The following FUT8 variants were observed in gnomAD, a reference collection of about 807,000 sequenced individuals.
FUT8 encodes alpha-(1,6)-fucosyltransferase.
A neutral mutation model predicts 71.3 loss-of-function variants in FUT8; 29 were observed. That is an observed-to-expected ratio of 0.41 (90% CI 0.30 to 0.55). FUT8 has a LOEUF of 0.55. Among genes scored for constraint, FUT8 ranks in the 20% least tolerant of loss-of-function variants. The probability of loss-of-function intolerance (pLI) is 0.34; values close to 1 mark genes in which losing one functional copy is unlikely to be tolerated. For missense variants in FUT8, 544 were observed against 702.1 expected (o/e 0.77, Z 2.55); for synonymous variants, 254 against 239.3 (o/e 1.06, Z -0.57).
intron 6 of FUT8, among the ~76,000 whole-genome samples, chr14:65,654,864 A>G (rs1354654427): frequency 6.6e-6 from 1 of 152,058 alleles, no homozygotes; most frequent in Non-Finnish European, 1.5e-5. Flanking sequence ...AGAGAGAAAA[A>G]AAAATACAGG....
intron 5 of FUT8, among the ~76,000 whole-genome samples, chr14:65,619,009 A>G (rs1184498213): frequency 6.6e-6 from 1 of 152,182 alleles, no homozygotes; most frequent in Admixed American, 6.5e-5. Flanking sequence ...TTGCGATGGC[A>G]TGTGAAGTGG....
chr14:65,644,744 A>G (rs898577296), intron 6 of FUT8, among the ~76,000 whole-genome samples: 3 of 152,136 alleles, frequency 2.0e-5, no homozygotes, highest in African/African-American at 7.2e-5. Flanking sequence ...TGAGATCAAC[A>G]TTTTCATCAA....
the FUT8 span, among the ~76,000 whole-genome samples, chr14:65,390,694 A>G: frequency 0.13 from 20,087 of 150,998 alleles, 1,983 homozygotes; most frequent in East Asian, 0.54. Context: ...AAAGTACAGG[A>G]CACCACCAAG....
At chr14:65,499,704 A>G (rs761350406) in intron 2 of FUT8, among the ~76,000 whole-genome samples, 13 of 151,630 alleles carry the variant, frequency 8.6e-5, no homozygotes, top group Non-Finnish European at 1.5e-4. Context: ...TCTCAGCTAC[A>G]TGGGAGGCTG....
chr14:65,502,846 A>G (rs2139777384), intron 2 of FUT8, among the ~76,000 whole-genome samples: 1 of 152,288 alleles, frequency 6.6e-6, no homozygotes, highest in South Asian at 2.1e-4. Context: ...ATCTTGGTAA[A>G]ATACTGATTC....
the FUT8 span, among the ~76,000 whole-genome samples, chr14:65,381,400 C>G: frequency 0.12 from 18,715 of 152,180 alleles, 1,484 homozygotes; most frequent in East Asian, 0.45. Context: ...AGCAAGGTGA[C>G]TAGATGGCTG....
chr14:65,519,213 A>G (rs1442359457), intron 2 of FUT8, among the ~76,000 whole-genome samples: 2 of 152,216 alleles, frequency 1.3e-5, no homozygotes, highest in Admixed American at 6.5e-5. Flanking sequence ...ACGTTCATTC[A>G]TTAAAAAAAT....
intron 1 of FUT8, among the ~76,000 whole-genome samples, chr14:65,448,263 G>A (rs910273532): frequency 6.6e-6 from 1 of 152,154 alleles, no homozygotes; most frequent in South Asian, 2.1e-4. Flanking sequence ...CAGGCAGGGG[G>A]TGATGAAAGC....
intron 2 of FUT8, among the ~76,000 whole-genome samples, chr14:65,473,780 A>T (rs1049123068): frequency 5.3e-5 from 8 of 152,134 alleles, no homozygotes; most frequent in Non-Finnish European, 1.0e-4. Flanking sequence ...TTTAGAACTG[A>T]ATTGGGTCCA....
chr14:65,374,983 T>G, the FUT8 span, among the ~76,000 whole-genome samples: 1 of 152,136 alleles, frequency 6.6e-6, no homozygotes, highest in African/African-American at 2.4e-5. Flanking sequence ...GGGTTTACTG[T>G]TGTTTATTGC....
chr14:65,728,516 A>C (rs1895800365), intron 9 of FUT8, among the ~76,000 whole-genome samples: 1 of 152,236 alleles, frequency 6.6e-6, no homozygotes, highest in African/African-American at 2.4e-5. Context: ...GCCAAACCAT[A>C]TCATTACCGA....
chr14:65,674,834 G>GGAGA (rs1345081664), intron 7 of FUT8, among the ~76,000 whole-genome samples: 24 of 152,154 alleles, frequency 1.6e-4, no homozygotes, highest in African/African-American at 4.8e-4. Context: ...AGAGTGAGTT[G>GGAGA]GTACCACATA....
intron 2 of FUT8, among the ~76,000 whole-genome samples, chr14:65,518,019 T>C (rs1253667589): frequency 6.6e-6 from 1 of 152,188 alleles, no homozygotes; most frequent in Non-Finnish European, 1.5e-5. Flanking sequence ...GTTTCAGTGG[T>C]CTCTTTTTCT....
chr14:65,361,533 A>T, the FUT8 span, among the ~76,000 whole-genome samples: 1 of 151,980 alleles, frequency 6.6e-6, no homozygotes, highest in Non-Finnish European at 1.5e-5. Flanking sequence ...TGCACCTGTA[A>T]TCCCAGCACT....
intron 1 of FUT8, among the ~76,000 whole-genome samples, chr14:65,429,406 C>T (rs951936462): frequency 3.9e-5 from 6 of 152,182 alleles, no homozygotes; most frequent in South Asian, 2.1e-4. Flanking sequence ...GTCATTACAG[C>T]GGCGTAAGAA....
At chr14:65,618,556 CA>C (rs1288153348) in intron 5 of FUT8, among the ~76,000 whole-genome samples, 1 of 152,082 alleles carries the variant, frequency 6.6e-6, no homozygotes, top group Non-Finnish European at 1.5e-5. Context: ...TGCAGTAATA[CA>C]AATAATGAGC....
intron 2 of FUT8, among the ~76,000 whole-genome samples, chr14:65,551,175 C>T (rs1053107410): frequency 6.6e-5 from 10 of 152,134 alleles, no homozygotes; most frequent in African/African-American, 1.7e-4. Context: ...AGCAGATTGT[C>T]GCATACTCAT....
chr14:65,477,325 TAACTA>T (rs1304604729), intron 2 of FUT8, among the ~76,000 whole-genome samples: 1 of 152,242 alleles, frequency 6.6e-6, no homozygotes, highest in Non-Finnish European at 1.5e-5. Context: ...TTACTATTGT[TAACTA>T]AATAAGAGTT....
In FUT8 at chr14:65,742,449, A is replaced by G. The variant is rs1594957807; in HGVS notation, c.*39A>G. 1.3e-6 allele frequency: 2 copies of G among 1,567,468 alleles called. No individual in the cohort carries two copies. The highest frequency in any genetic ancestry group is 1.8e-5 in the Admixed American group (1 of 55,866). ...GAGATAAACGACCAAACTCAGTTCG[A>G]CCAAACTCAGTTCAAACCATTTCAG... On this transcript the variant is annotated 3_prime_UTR_variant, in exon 11 of 11. Coordinates refer to ENST00000673929, the MANE Select transcript of FUT8 (RefSeq NM_001371533.1).
Sources: gnomAD v4.1 joint callset for allele counts (sites outside exome capture counted in the v4.1 genomes callset) on GRCh38, gnomAD v4.1.1 for gene constraint, MANE v1.5 for transcripts, NCBI Gene and HGNC (gene_info 2026-07-23, HGNC 2026-07-21) for gene names.